AZIN1: variants seen among roughly 807,000 people sequenced by gnomAD.
AZIN1 encodes the protein ornithine decarboxylase antizyme inhibitor.
AZIN1 carries 12 observed loss-of-function variants against 47.4 expected under a neutral mutation model. The ratio of observed to expected loss-of-function variants is 0.25; its 90% CI spans 0.16 to 0.41. AZIN1 has a LOEUF of 0.41. Ranked by LOEUF, AZIN1 falls within the 10% of genes least tolerant of loss-of-function variation. The probability of loss-of-function intolerance (pLI) is 1.00; values close to 1 mark genes in which losing one functional copy is unlikely to be tolerated. For missense variants in AZIN1, 410 were observed against 532.4 expected, an observed-to-expected ratio of 0.77 and a Z score of 2.26; for synonymous variants, 155 against 176.3, an observed-to-expected ratio of 0.88 and a Z score of 0.96.
intron 2 of AZIN1, among the ~76,000 whole-genome samples, chr8:102,847,608 C>T (rs1812649841): frequency 2.0e-5 from 3 of 151,224 alleles, no homozygotes. Flanking sequence ...ACTCTTGTCA[C>T]CCAGACTGGA....
chr8:102,837,480 T>C (rs1325323741), intron 5 of AZIN1, among the ~76,000 whole-genome samples: 2 of 152,164 alleles, frequency 1.3e-5, no homozygotes, highest in Admixed American at 1.3e-4. Flanking sequence ...GCCATGAAAA[T>C]ACAGCTATGG....
chr8:102,857,240 A>T (rs553062161), intron 2 of AZIN1, among the ~76,000 whole-genome samples: 1 of 152,300 alleles, frequency 6.6e-6, no homozygotes, highest in South Asian at 2.1e-4. Flanking sequence ...TCGAATAGGG[A>T]TCTGTTTAAC....
At chr8:102,859,063 G>C (rs1813465041) in intron 1 of AZIN1, 1 of 152,174 alleles carries the variant, frequency 6.6e-6, no homozygotes, top group Non-Finnish European at 1.5e-5. Context: ...AAGCACTGTA[G>C]GCATACCTAA....
At chr8:102,833,968 C>T (rs773504962) in intron 8 of AZIN1, among the ~76,000 whole-genome samples, 28 of 150,944 alleles carry the variant, frequency 1.9e-4, no homozygotes, top group Non-Finnish European at 3.5e-4. Context: ...AGAAACACAA[C>T]TGAAATAGAA....
chr8:102,847,570 A>ATT (rs200379142), intron 2 of AZIN1, among the ~76,000 whole-genome samples: 100 of 141,990 alleles, frequency 7.0e-4, no homozygotes, highest in East Asian at 1.4e-3. Context: ...AATTTTTCCC[A>ATT]TTTTTTTTTT....
intron 9 of AZIN1, among the ~76,000 whole-genome samples, chr8:102,832,415 T>TA (rs1811518065): frequency 6.6e-6 from 1 of 152,168 alleles, no homozygotes; most frequent in Admixed American, 6.5e-5. Context: ...TGACTTGAGT[T>TA]AGATTACAGG....
intron 1 of AZIN1, among the ~76,000 whole-genome samples, chr8:102,862,333 T>C (rs892484): frequency 0.39 from 59,054 of 151,902 alleles, 12,225 homozygotes; most frequent in Admixed American, 0.47. Flanking sequence ...ACAAATAAGG[T>C]AAAATGTTAA....
chr8:102,858,983 C>T (rs1224240894), intron 1 of AZIN1: 2 of 152,066 alleles, frequency 1.3e-5, no homozygotes, highest in Non-Finnish European at 2.9e-5. Flanking sequence ...ACAGTGTTTG[C>T]TAGAAAGGGG....
In AZIN1 at chr8:102,827,886, C is replaced by G. The variant is rs1245832401; in HGVS notation, c.*681G>C. ...TAAATGAAAAATGCACCGAGCCAAA[C>G]AAAACTTAACTGGGCTATAAAGAAA... On this transcript the variant is annotated 3_prime_UTR_variant, in exon 12 of 12. Coordinates refer to ENST00000337198, the MANE Select transcript of AZIN1 (RefSeq NM_148174.4). The G allele has an allele frequency of 6.6e-6, 1 of 152,406 alleles. No individual in the cohort carries two copies. Among genetic ancestry groups the G allele is most frequent in the South Asian group, 2.1e-4 (1 of 4,820 alleles). The allele number at this position is 152,406 out of a possible 1,614,324, so 9.4% of individuals were successfully genotyped here.
chr8:102,855,746 C>G (rs2131276891), intron 2 of AZIN1: 1 of 152,286 alleles, frequency 6.6e-6, no homozygotes, highest in South Asian at 2.1e-4. Context: ...TATTGTTGAT[C>G]TACAGAAAAT....
At chr8:102,832,474 C>G (rs34655485) in intron 9 of AZIN1, among the ~76,000 whole-genome samples, 57,135 of 152,006 alleles carry the variant, frequency 0.38, 11,696 homozygotes, top group South Asian at 0.46. Context: ...GAGCCTCCCT[C>G]TGACCCATGT....
At position 102,829,844 on chromosome 8, in the gene AZIN1, T is replaced by G; in HGVS notation, c.997A>C (p.Asn333His). The change falls in exon 10 of 12, where the codon AAT (asparagine) becomes CAT (histidine). Residue 333 changes from asparagine to histidine, a missense_variant. Physicochemically the swap from Asn to His is moderately conservative, Grantham distance 68 (BLOSUM62 1). Around this residue, in one of 3 missense-constraint regions of AZIN1, gnomAD observed 168 missense variants for 198.3 expected, o/e 0.85. Transcript: ENST00000337198. ...GCCTTGTGAACCTCTGGAATGGTAT[T>G]TAAGTCCTCAGACAGTTTACTTGCA... ...SFASKLSEDL[N>H]TIPEVHKKYK... 1.9e-6 allele frequency: 3 copies of G among 1,612,480 alleles called. No homozygotes were observed. Among genetic ancestry groups the G allele is most frequent in the Non-Finnish European group, 2.5e-6 (3 of 1,179,142 alleles).
intron 9 of AZIN1, chr8:102,830,363 C>T (rs1021631476): frequency 2.1e-5 from 3 of 142,600 alleles, no homozygotes; most frequent in Admixed American, 7.3e-5. Context: ...GGCTGTGCTA[C>T]TGCACTCCAG....
intron 2 of AZIN1, chr8:102,855,925 T>G (rs1003453398): frequency 6.6e-6 from 1 of 152,186 alleles, no homozygotes; most frequent in African/African-American, 2.4e-5. Flanking sequence ...TGAACCATAA[T>G]GTAGTACACA....
At chr8:102,836,054 G>A (rs1469804905) in intron 6 of AZIN1, among the ~76,000 whole-genome samples, 1 of 152,130 alleles carries the variant, frequency 6.6e-6, no homozygotes, top group Admixed American at 6.6e-5. Flanking sequence ...AGGAGGTACA[G>A]TCACAAAACA....
intron 2 of AZIN1, among the ~76,000 whole-genome samples, chr8:102,846,378 T>C (rs1028736890): frequency 2.0e-5 from 3 of 152,246 alleles, no homozygotes; most frequent in Non-Finnish European, 4.4e-5. Flanking sequence ...TATAATTTCA[T>C]AGGTTCAACT....
At chr8:102,864,197 T>C (rs932764241), upstream of AZIN1, 1 of 195,778 alleles carries the variant, frequency 5.1e-6, no homozygotes, top group Non-Finnish European at 1.0e-5. Flanking sequence ...AGTATTTATA[T>C]TAGGGGGCGT....
rs569682127 is a variant in AZIN1, at chr8:102,828,141, T to C, written c.*426A>G. The C allele has an allele frequency of 6.5e-6, 1 of 153,982 alleles. No individual in the cohort carries two copies. Among genetic ancestry groups the C allele is most frequent in the African/African-American group, 2.4e-5 (1 of 41,616 alleles). The allele number at this position is 153,982 out of a possible 1,614,324, so 9.5% of individuals were successfully genotyped here. A position where few individuals can be genotyped will look rare whatever the true frequency, so the allele number is the denominator to read the frequency against. On this transcript the variant is annotated 3_prime_UTR_variant, in exon 12 of 12. Coordinates refer to ENST00000337198, the MANE Select transcript of AZIN1 (RefSeq NM_148174.4). Reference sequence around the variant, plus strand: ...TCTAAATACACTAAACGTTATCTAATGAAGTCACACTGGTCTTCTAACATT... The same window carrying C: ...TCTAAATACACTAAACGTTATCTAACGAAGTCACACTGGTCTTCTAACATT...
At chr8:102,843,219 A>G (rs1042533115) in intron 3 of AZIN1, among the ~76,000 whole-genome samples, 14 of 152,162 alleles carry the variant, frequency 9.2e-5, no homozygotes, top group Middle Eastern at 3.4e-3. Flanking sequence ...AAAAAAAAAA[A>G]AAAAGAAAAT....
Sources: gnomAD v4.1 joint callset for allele counts (sites outside exome capture counted in the v4.1 genomes callset) on GRCh38, gnomAD v4.1.1 for gene constraint, gnomAD v4.1.1 regional missense constraint, MANE v1.5 for transcripts, NCBI Gene and HGNC (gene_info 2026-07-23, HGNC 2026-07-21) for gene names.